Variants in REST observed in about 807,000 individuals in gnomAD.
REST encodes RE1-silencing transcription factor.
REST carries 1 observed loss-of-function variant against 30.4 expected under a neutral mutation model. That is an observed-to-expected ratio of 0.03 (90% CI 0.01 to 0.16). REST has a LOEUF of 0.16. REST is among the 10% of genes least tolerant of loss of function. The probability of loss-of-function intolerance (pLI) is 1.00; values close to 1 mark genes in which losing one functional copy is unlikely to be tolerated. For missense variants in REST, 1,259 were observed against 1,329.5 expected (o/e 0.95, Z 0.82); for synonymous variants, 504 against 451.1 (o/e 1.12, Z -1.49).
Position 56,932,203 on chromosome 4 carries a change from T to G in REST, c.*51T>G. ...CTTAGTTTGTAAGGTATATTACATT[T>G]TATATTCATTTATGATAGCAGACAA... On this transcript the variant is annotated 3_prime_UTR_variant, in exon 4 of 4. Transcript: ENST00000309042. 2 of 1,505,564 alleles carry G rather than the reference T, an allele frequency of 1.3e-6. No individual in the cohort carries two copies. The highest frequency in any genetic ancestry group is 2.7e-5 in the South Asian group (2 of 75,068). 93.3% of individuals were successfully genotyped at this position (1,505,564 alleles called of 1,614,324 possible). A position where few individuals can be genotyped will look rare whatever the true frequency, so the allele number is the denominator to read the frequency against.
chr4:56,914,523 C>T (rs1447086680), intron 2 of REST, among the ~76,000 whole-genome samples: 1 of 152,134 alleles, frequency 6.6e-6, no homozygotes, highest in Admixed American at 6.6e-5. Flanking sequence ...TACAAAAATA[C>T]ATAAAGTAGG....
intron 1 of REST, among the ~76,000 whole-genome samples, chr4:56,910,382 G>A (rs539109816): frequency 2.6e-5 from 4 of 152,352 alleles, no homozygotes; most frequent in African/African-American, 9.6e-5. Flanking sequence ...AATGATGAAT[G>A]AGTTGTGCAA....
At position 56,911,517 on chromosome 4, in the gene REST, G is replaced by A. The variant is rs1297951663; in HGVS notation, c.879G>A (p.Gln293=). ...CAGACAGAAAAAACAATTATGTTCA[G>A]CATGTTAGAACTCATACAGGTAAGA... is the stretch of plus-strand genomic sequence containing the variant. ...YFSDRKNNYV[Q]HVRTHTGERP... The change falls in exon 2 of 4, where the codon CAG becomes CAA. Residue 293 remains glutamine, a synonymous_variant. Coordinates refer to ENST00000309042, the MANE Select transcript of REST (RefSeq NM_005612.5). The A allele has an allele frequency of 6.2e-7, 1 of 1,613,486 alleles. No homozygotes were observed. The highest frequency in any genetic ancestry group is 8.5e-7 in the Non-Finnish European group (1 of 1,179,546).
intron 2 of REST, 44 bp downstream of exon 2, chr4:56,911,580 A>G: frequency 1.3e-6 from 2 of 1,506,084 alleles, no homozygotes; most frequent in South Asian, 2.4e-5. Context: ...CTCTTTTCTG[A>G]TTGTTACTTG....
Position 56,910,917 on chromosome 4 carries a change from TGAA to T in REST, c.282_284del (p.Glu95del). 1.2e-6 allele frequency: 2 copies of T among 1,614,126 alleles called. No homozygotes were observed. Among genetic ancestry groups the T allele is most frequent in the East Asian group, 2.2e-5 (1 of 44,872 alleles). ...CAGATAGTGAAGAAGGAGAAGGACT[TGAA>T]GAGTCTGCTGATATAAAAGGTGAAC... On this transcript the variant is annotated inframe_deletion, in exon 2 of 4. Transcript: ENST00000309042.
At chr4:56,923,420 A>G (rs1720540555) in intron 3 of REST, among the ~76,000 whole-genome samples, 1 of 152,118 alleles carries the variant, frequency 6.6e-6, no homozygotes, top group African/African-American at 2.4e-5. Context: ...GGCACATGCC[A>G]CCACTCCAGC....
rs778109969 is a variant in REST, at chr4:56,931,723, A to C, written c.2865A>C (p.Thr955=). The C allele has an allele frequency of 2.5e-6, 4 of 1,614,244 alleles. No homozygotes were observed. The highest frequency in any genetic ancestry group is 3.4e-6 in the Non-Finnish European group (4 of 1,180,048). ...TGAAAATGGACACTGATCAGAACAC[A>C]AGAGAGAATCTCACTGGTATAAATT... ...CEMKMDTDQN[T]RENLTGINST... Residue 955 remains threonine (T), a synonymous_variant, in exon 4 of 4, where the codon ACA becomes ACC. Transcript: ENST00000309042.
At position 56,930,995 on chromosome 4, in the gene REST, G is replaced by T; in HGVS notation, c.2137G>T (p.Val713Phe). 1.2e-6 allele frequency: 2 copies of T among 1,614,238 alleles called. No homozygotes were observed. The highest frequency in any genetic ancestry group is 1.7e-6 in the Non-Finnish European group (2 of 1,180,042). Residue 713 changes from valine (V) to phenylalanine (F), a missense_variant, in exon 4 of 4, where the codon GTT becomes TTT. Around this residue, in one of 5 missense-constraint regions of REST, gnomAD observed 856 missense variants for 772.8 expected, o/e 1.11. Coordinates refer to ENST00000309042, the MANE Select transcript of REST (RefSeq NM_005612.5). The part of the protein sequence containing the change: ...PAPMEPAQME[V>F]AQVESAPMQV... ...TCCCATGGAACCTGCTCAGATGGAGGTTGCCCAGGTAGAATCTGCTCCCAT... is the reference window on the plus strand; with the variant it reads ...TCCCATGGAACCTGCTCAGATGGAGTTTGCCCAGGTAGAATCTGCTCCCAT...
chr4:56,910,854 G>C lies in REST; in HGVS notation c.216G>C (p.Gln72His). Residue 72 changes from glutamine (Q) to histidine (H), a missense_variant, in exon 2 of 4, where the codon CAG becomes CAC. Physicochemically the swap from Gln to His is conservative, Grantham distance 24 (BLOSUM62 0). This residue lies in a region of REST where 249 missense variants were observed against 251.5 expected (regional missense o/e 0.99). Coordinates refer to ENST00000309042, the MANE Select transcript of REST (RefSeq NM_005612.5). ...ATTACCTGGTCGGTGAAGAAAGACA[G>C]ATGGCAGAACTGATGCCGGTTGGGG... ...CCDYLVGEER[Q>H]MAELMPVGDN... The C allele has an allele frequency of 6.2e-7, 1 of 1,614,206 alleles. No homozygotes were observed. The highest frequency in any genetic ancestry group is 8.5e-7 in the Non-Finnish European group (1 of 1,180,028).
rs1721083187 is a variant in REST, at chr4:56,934,497, T to C, written c.*2345T>C. ...TGTAAAAACATTGTTACTGGAAATT[T>C]ATTGGACTTGAGGCCTTCCTCCAGA... On this transcript the variant is annotated 3_prime_UTR_variant, in exon 4 of 4. Transcript: ENST00000309042. 2 of 152,182 alleles carry C rather than the reference T, an allele frequency of 1.3e-5. No individual in the cohort carries two copies. Among genetic ancestry groups the C allele is most frequent in the African/African-American group, 4.8e-5 (2 of 41,462 alleles). The allele number at this position is 152,182 out of a possible 1,614,324, so 9.4% of individuals were successfully genotyped here.
intron 2 of REST, among the ~76,000 whole-genome samples, chr4:56,912,289 T>A (rs898748833): frequency 1.3e-5 from 2 of 152,094 alleles, no homozygotes; most frequent in Non-Finnish European, 2.9e-5. Flanking sequence ...ACAATTATGT[T>A]TAGGGTGTTT....
intron 2 of REST, among the ~76,000 whole-genome samples, chr4:56,918,100 A>G (rs1720287951): frequency 6.6e-6 from 1 of 151,944 alleles, no homozygotes; most frequent in African/African-American, 2.4e-5. Context: ...CCATGTCTAA[A>G]AAGAATATAC....
At chr4:56,924,991 C>A (rs1720621099) in intron 3 of REST, among the ~76,000 whole-genome samples, 1 of 151,884 alleles carries the variant, frequency 6.6e-6, no homozygotes, top group Non-Finnish European at 1.5e-5. Flanking sequence ...CATGGTGGTA[C>A]CCCATCTCTG....
Position 56,931,424 on chromosome 4 carries a change from A to G in REST, c.2566A>G (p.Ser856Gly), listed in dbSNP as rs1471354248. The change falls in exon 4 of 4, where the codon AGC (serine) becomes GGC (glycine). Residue 856 changes from serine to glycine, a missense_variant. Physicochemically the swap from Ser to Gly is moderately conservative, Grantham distance 56. Transcript: ENST00000309042. The part of the protein sequence containing the change: ...KDSWLLKESV[S>G]TEDLSPPSPP... Reference sequence around the variant, plus strand: ...TAGCTGGCTTCTAAAGGAAAGTGTAAGCACAGAGGATCTCTCACCACCATC... The same window carrying G: ...TAGCTGGCTTCTAAAGGAAAGTGTAGGCACAGAGGATCTCTCACCACCATC... The G allele has an allele frequency of 2.5e-6, 4 of 1,614,136 alleles. No individual in the cohort carries two copies. Among genetic ancestry groups the G allele is most frequent in the Non-Finnish European group, 3.4e-6 (4 of 1,180,048 alleles).
rs2109515010 is a variant in REST at position 56,908,122 on chromosome 4, A to C, written c.-101A>C. The C allele has an allele frequency of 4.2e-5, 11 of 259,266 alleles. No individual in the cohort carries two copies. Among genetic ancestry groups the C allele is most frequent in the East Asian group, 6.0e-5 (1 of 16,774 alleles). 16.1% of individuals were successfully genotyped at this position (259,266 alleles called of 1,614,324 possible). ...GCACCCAACTTTACCACCCTCCCCC[A>C]CCTCTCCCCCGAAACTCCAGCAACA... On this transcript the variant is annotated 5_prime_UTR_variant, in exon 1 of 4. Coordinates refer to ENST00000309042, the MANE Select transcript of REST (RefSeq NM_005612.5).
intron 2 of REST, among the ~76,000 whole-genome samples, chr4:56,919,241 G>T (rs1017053837): frequency 6.6e-6 from 1 of 152,086 alleles, no homozygotes; most frequent in Admixed American, 6.6e-5. Context: ...TAGAAATGAG[G>T]TATTGCTGTG....
chr4:56,907,933 G>C lies in REST; in HGVS notation c.-290G>C, dbSNP rs1476154411. On this transcript the variant is annotated 5_prime_UTR_variant, in exon 1 of 4. Transcript: ENST00000309042. ...CGCAGCGTCCTGTGTTGGAATGTGCGGCTGCCGCGAGCTCGCGGCGCAGCA... is the reference window on the plus strand; with the variant it reads ...CGCAGCGTCCTGTGTTGGAATGTGCCGCTGCCGCGAGCTCGCGGCGCAGCA... The C allele has an allele frequency of 3.4e-6, 1 of 295,946 alleles. No individual in the cohort carries two copies. The highest frequency in any genetic ancestry group is 6.2e-6 in the Non-Finnish European group (1 of 161,128). The allele number at this position is 295,946 out of a possible 1,614,324, so 18.3% of individuals were successfully genotyped here. A position where few individuals can be genotyped will look rare whatever the true frequency, so the allele number is the denominator to read the frequency against.
At chr4:56,928,359 C>A (rs553117071) in intron 3 of REST, among the ~76,000 whole-genome samples, 1 of 151,744 alleles carries the variant, frequency 6.6e-6, no homozygotes, top group South Asian at 2.1e-4. Context: ...CCACTGCCTT[C>A]GCCTCCCAAA....
intron 2 of REST, among the ~76,000 whole-genome samples, chr4:56,916,464 T>G (rs1266689118): frequency 6.6e-6 from 1 of 152,050 alleles, no homozygotes; most frequent in Non-Finnish European, 1.5e-5. Context: ...GAGACCAGCC[T>G]GGTCAGCATG....
Sources: allele counts gnomAD v4.1 joint callset (sites outside exome capture counted in the v4.1 genomes callset), GRCh38; gene constraint gnomAD v4.1.1; regional missense constraint gnomAD v4.1.1; transcripts MANE v1.5; gene names NCBI Gene and HGNC (gene_info 2026-07-23, HGNC 2026-07-21).